Variants in TMEM184C observed in about 807,000 individuals in gnomAD.
TMEM184C encodes the protein transmembrane protein 184C.
A neutral mutation model predicts 54.5 loss-of-function variants in TMEM184C; 25 were observed. The observed-to-expected ratio is 0.46, with a 90% CI of 0.33 to 0.64. The LOEUF (loss-of-function observed/expected upper bound fraction) is 0.64. Ranked by LOEUF, TMEM184C falls within the 30% of genes least tolerant of loss-of-function variation. The probability of loss-of-function intolerance (pLI) is 0.02; values close to 1 mark genes in which losing one functional copy is unlikely to be tolerated. For synonymous variants in TMEM184C, 148 were observed against 181.5 expected (o/e 0.82, Z 1.49); for missense variants, 335 against 520.3 (o/e 0.64, Z 3.46).
At chr4:147,618,502 T>C (rs2126545532) in intron 1 of TMEM184C, among the ~76,000 whole-genome samples, 1 of 152,354 alleles carries the variant, frequency 6.6e-6, no homozygotes. Context: ...CTTTGGTGTC[T>C]GTTTTTACTG....
chr4:147,629,717 A>T, intron 6 of TMEM184C, 25 bp downstream of exon 6: 2 of 1,513,712 alleles, frequency 1.3e-6, no homozygotes, highest in Non-Finnish European at 1.8e-6. Flanking sequence ...CACTTTTCTT[A>T]AACTGTACTA....
chr4:147,621,989 C>CT (rs148922114), intron 1 of TMEM184C, among the ~76,000 whole-genome samples: 127,266 of 142,254 alleles, frequency 0.89, 57,820 homozygotes, highest in Non-Finnish European at 0.98. Context: ...TTTTTTCTTT[C>CT]TTTTTTTTTT....
chr4:147,623,993 C>T (rs1173099630), intron 2 of TMEM184C, 29 bp downstream of exon 2: 9 of 1,612,746 alleles, frequency 5.6e-6, no homozygotes, highest in South Asian at 1.1e-5. Flanking sequence ...GATTCCACTA[C>T]TGTTGTGTTG....
At position 147,624,841 on chromosome 4, in the gene TMEM184C, T is replaced by G. The variant is rs766441598; in HGVS notation, c.329T>G (p.Val110Gly). The G allele has an allele frequency of 1.2e-6, 2 of 1,613,770 alleles. No individual in the cohort carries two copies. The highest frequency in any genetic ancestry group is 1.7e-6 in the Non-Finnish European group (2 of 1,179,866). ...AAATATCCCGGAATTGCAATATATG[T>G]GGATACCTGCAGAGAATGCTATGAA... ...ALKYPGIAIY[V>G]DTCRECYEAY... The change falls in exon 4 of 10, where the codon GTG (valine) becomes GGG (glycine). Residue 110 changes from valine to glycine, a missense_variant. By Grantham distance (109) the Val-to-Gly change is moderately radical (BLOSUM62 -3). Coordinates refer to ENST00000296582, the MANE Select transcript of TMEM184C (RefSeq NM_018241.3).
At position 147,631,380 on chromosome 4, in the gene TMEM184C, A is replaced by C. The variant is rs747257241; in HGVS notation, c.667-13A>C. The C allele has an allele frequency of 1.9e-6, 3 of 1,541,388 alleles. No homozygotes were observed. The highest frequency in any genetic ancestry group is 2.2e-5 in the Admixed American group (1 of 44,604). On this transcript the variant is annotated splice_polypyrimidine_tract_variant and intron_variant, in intron 6 of 9. Coordinates refer to ENST00000296582, the MANE Select transcript of TMEM184C (RefSeq NM_018241.3). The stretch of plus-strand genomic sequence containing the variant: ...TATTACTGAACAAGTTTAAATGTTA[A>C]TCTTGTTTCTAGTTTGCCATGTATT...
chr4:147,618,159 T>G, intron 1 of TMEM184C, 80 bp downstream of exon 1: 1 of 1,591,306 alleles, frequency 6.3e-7, no homozygotes. Flanking sequence ...TTACCCCATT[T>G]CTGCCCTGAC....
At position 147,633,923 on chromosome 4, in the gene TMEM184C, A is replaced by C; in HGVS notation, c.1038A>C (p.Gln346His). Residue 346 changes from glutamine (Q) to histidine (H), a missense_variant, in exon 9 of 10, where the codon CAA becomes CAC. By Grantham distance (24) the Gln-to-His change is conservative (BLOSUM62 0). Coordinates refer to ENST00000296582, the MANE Select transcript of TMEM184C (RefSeq NM_018241.3). ...ATATTAGAGATGATATTTCTGAACA[A>C]GTAAGGCATGTTGGTAAGTACCAGC... is the stretch of plus-strand genomic sequence containing the variant. The part of the protein sequence containing the change: ...VSDIRDDISE[Q>H]VRHVGRTVRG... 1.2e-6 allele frequency: 2 copies of C among 1,612,690 alleles called. No individual in the cohort carries two copies. Among genetic ancestry groups the C allele is most frequent in the Non-Finnish European group, 1.7e-6 (2 of 1,179,520 alleles).
At chr4:147,632,409 G>A (rs569212534) in intron 7 of TMEM184C, 1 of 153,068 alleles carries the variant, frequency 6.5e-6, no homozygotes, top group African/African-American at 2.4e-5. Context: ...GTAGTATATT[G>A]TAGATACAGT....
At chr4:147,627,604 C>A (rs1732838013) in intron 4 of TMEM184C, among the ~76,000 whole-genome samples, 1 of 152,184 alleles carries the variant, frequency 6.6e-6, no homozygotes, top group South Asian at 2.1e-4. Context: ...CACAGTGAAA[C>A]CACATCTCTA....
Position 147,634,437 on chromosome 4 carries a change from A to AC in TMEM184C, c.*3_*4insC, listed in dbSNP as rs750893340. On this transcript the variant is annotated 3_prime_UTR_variant, in exon 10 of 10. Transcript: ENST00000296582. ...CAGATAAATCCGTGGATTCCTGAAC[A>AC]GTATGGAAAAGCAAACTGTGCAACT... 91 of 1,611,796 alleles carry AC rather than the reference A, an allele frequency of 5.6e-5. No homozygotes were observed. Among genetic ancestry groups the AC allele is most frequent in the Non-Finnish European group, 7.0e-5 (82 of 1,178,938 alleles).
At position 147,631,381 on chromosome 4, in the gene TMEM184C, T is replaced by C; in HGVS notation, c.667-12T>C. 6.5e-7 allele frequency: 1 copy of C among 1,528,924 alleles called. No homozygotes were observed. The highest frequency in any genetic ancestry group is 8.8e-7 in the Non-Finnish European group (1 of 1,132,892). The allele number at this position is 1,528,924 out of a possible 1,614,324, so 94.7% of individuals were successfully genotyped here. On this transcript the variant is annotated splice_polypyrimidine_tract_variant and intron_variant, in intron 6 of 9. Coordinates refer to ENST00000296582, the MANE Select transcript of TMEM184C (RefSeq NM_018241.3). ...ATTACTGAACAAGTTTAAATGTTAA[T>C]CTTGTTTCTAGTTTGCCATGTATTG...
At chr4:147,629,461 A>G (rs1732871683) in intron 5 of TMEM184C, 138 bp from the exon 6 acceptor site, 2 of 600,016 alleles carry the variant, frequency 3.3e-6, no homozygotes. Flanking sequence ...ACTGACTTCT[A>G]AATTCTCTGT....
At position 147,617,847 on chromosome 4, in the gene TMEM184C, C is replaced by T; in HGVS notation, c.-110C>T. 1.3e-6 allele frequency: 2 copies of T among 1,528,268 alleles called. No homozygotes were observed. The highest frequency in any genetic ancestry group is 1.8e-6 in the Non-Finnish European group (2 of 1,112,538). 94.7% of individuals were successfully genotyped at this position (1,528,268 alleles called of 1,614,324 possible). A position where few individuals can be genotyped will look rare whatever the true frequency, so the allele number is the denominator to read the frequency against. On this transcript the variant is annotated 5_prime_UTR_variant, in exon 1 of 10. Transcript: ENST00000296582. ...AGCTGTTCGTAAAGTCGCCCGACAG[C>T]TTTTTCTCCGTAGTATGCGAGTTGA...
intron 4 of TMEM184C, among the ~76,000 whole-genome samples, chr4:147,625,427 G>C (rs566517737): frequency 1.3e-5 from 2 of 152,290 alleles, no homozygotes; most frequent in East Asian, 3.9e-4. Flanking sequence ...TAATACATCA[G>C]CTTGCCTTAT....
chr4:147,630,592 G>C (rs983513796), intron 6 of TMEM184C, among the ~76,000 whole-genome samples: 4 of 151,972 alleles, frequency 2.6e-5, no homozygotes, highest in Admixed American at 2.0e-4. Flanking sequence ...CTAAAAATAA[G>C]CCTGATGAAA....
intron 7 of TMEM184C, among the ~76,000 whole-genome samples, chr4:147,632,172 CAA>C (rs537342410): frequency 4.1e-5 from 5 of 123,136 alleles, no homozygotes; most frequent in Non-Finnish European, 1.7e-5. Flanking sequence ...AACTCTGTCT[CAA>C]AAAAAAAAAA....
intron 2 of TMEM184C, 23 bp downstream of exon 2, chr4:147,623,987 C>T (rs1483584666): frequency 1.9e-6 from 3 of 1,613,034 alleles, no homozygotes; most frequent in Non-Finnish European, 1.7e-6. Context: ...AATTTTGATT[C>T]CACTACTGTT....
chr4:147,617,931 T>C lies in TMEM184C; in HGVS notation c.-26T>C. On this transcript the variant is annotated 5_prime_UTR_variant, in exon 1 of 10. It removes the in-frame stop codon of an upstream open reading frame in the 5' UTR. Transcript: ENST00000296582. ...ATCTTTTCGAGATCTTTTCCCTTGC[T>C]AACCGGATCTGATTTGTGCGAAAAC... 6.2e-7 allele frequency: 1 copy of C among 1,613,562 alleles called. No individual in the cohort carries two copies. Among genetic ancestry groups the C allele is most frequent in the Non-Finnish European group, 8.5e-7 (1 of 1,179,652 alleles).
At chr4:147,625,765 G>A (rs28582558) in intron 4 of TMEM184C, among the ~76,000 whole-genome samples, 1,775 of 152,288 alleles carry the variant, frequency 0.012, 40 homozygotes, top group African/African-American at 0.04. Context: ...TAATGCAACC[G>A]CCCAAGGGGT....
Sources: allele counts gnomAD v4.1 joint callset (sites outside exome capture counted in the v4.1 genomes callset), GRCh38; gene constraint gnomAD v4.1.1; transcripts MANE v1.5; gene names NCBI Gene and HGNC (gene_info 2026-07-23, HGNC 2026-07-21).